Variants in OTOA observed in about 807,000 individuals in gnomAD.
OTOA encodes the protein cancer/testis antigen 108.
A neutral mutation model predicts 110.8 loss-of-function variants in OTOA; 70 were observed. The ratio of observed to expected loss-of-function variants is 0.63; its 90% confidence interval spans 0.52 to 0.77. The LOEUF is 0.77. OTOA is among the 30% of genes least tolerant of loss of function. The pLI is 0.00. For missense variants in OTOA, 917 were observed against 1,075.8 expected, an observed-to-expected ratio of 0.85 and a Z score of 2.06; for synonymous variants, 373 against 431.5, an observed-to-expected ratio of 0.86 and a Z score of 1.68.
intron 21 of OTOA, among the ~76,000 whole-genome samples, chr16:21,731,815 G>A (rs901568469): frequency 3.3e-5 from 5 of 152,138 alleles, no homozygotes; most frequent in Non-Finnish European, 5.9e-5. Flanking sequence ...AGGTGCACAT[G>A]GTCACACATG....
chr16:21,704,511 G>T (rs1597824094), intron 11 of OTOA, among the ~76,000 whole-genome samples: 1 of 152,136 alleles, frequency 6.6e-6, no homozygotes, highest in East Asian at 1.9e-4. Context: ...GCCTTGTAGG[G>T]TTGCTGTAAT....
At position 21,749,466 on chromosome 16, in the gene OTOA, T is replaced by C. The variant is rs1324529548; in HGVS notation, c.2776-2469T>C. On this transcript the variant is annotated intron_variant, in intron 24 of 28. Transcript: ENST00000646100. Reference sequence around the variant, plus strand: ...TTACTTGAACCCTGGGGGATGGAGGTTGCAGTAAGCCAAGATCATGTCACT... The same window carrying C: ...TTACTTGAACCCTGGGGGATGGAGGCTGCAGTAAGCCAAGATCATGTCACT... 2.7e-5 allele frequency among the ~76,000 whole-genome samples: 4 copies of C among 146,054 alleles called. No individual in the cohort carries two copies. The East Asian group carries it at 6.8e-4, about 25-fold the overall frequency.
intron 17 of OTOA, 109 bp from the exon 18 acceptor site, chr16:21,722,796 C>A: frequency 6.3e-6 from 6 of 957,266 alleles, no homozygotes; most frequent in Middle Eastern, 2.1e-4. Context: ...TGCTCTATTG[C>A]ATAAATGAAC....
chr16:21,713,652 A>G (rs908135369), intron 13 of OTOA, among the ~76,000 whole-genome samples: 3 of 152,174 alleles, frequency 2.0e-5, no homozygotes, highest in African/African-American at 7.2e-5. Context: ...AAAGTTACGC[A>G]GCTGGGATTG....
At chr16:21,704,629 C>T (rs1196076311) in intron 11 of OTOA, among the ~76,000 whole-genome samples, 1 of 152,090 alleles carries the variant, frequency 6.6e-6, no homozygotes, top group Non-Finnish European at 1.5e-5. Context: ...TCGTGTCCAC[C>T]AGCTCTCAGC....
chr16:21,714,479 C>CTTT (rs3054156), intron 13 of OTOA, among the ~76,000 whole-genome samples: 39 of 115,838 alleles, frequency 3.4e-4, no homozygotes, highest in Non-Finnish European at 4.4e-4. Context: ...TTCTTTCTTT[C>CTTT]CTCTCCCTCT....
chr16:21,666,877 A>T (rs959401855), intron 1 of OTOA, among the ~76,000 whole-genome samples: 9 of 152,154 alleles, frequency 5.9e-5, no homozygotes, highest in East Asian at 1.9e-4. Flanking sequence ...TGGAAAAAGG[A>T]CATTATGCAC....
intron 1 of OTOA, among the ~76,000 whole-genome samples, chr16:21,675,236 G>A (rs1966855433): frequency 7.3e-6 from 1 of 137,268 alleles, no homozygotes; most frequent in Admixed American, 7.8e-5. Context: ...TACAACTTCC[G>A]CCTCCCAGGT....
chr16:21,726,434 G>A, intron 18 of OTOA, 89 bp from the exon 19 acceptor site: 4 of 1,545,350 alleles, frequency 2.6e-6, no homozygotes, highest in Non-Finnish European at 3.6e-6. Flanking sequence ...ATGTCTTTGG[G>A]ATGAGCTCTT....
chr16:21,707,239 G>A (rs1898194161), intron 12 of OTOA, among the ~76,000 whole-genome samples: 1 of 151,836 alleles, frequency 6.6e-6, no homozygotes, highest in South Asian at 2.1e-4. Context: ...GAAGATAAAT[G>A]TATTTTAAGG....
chr16:21,681,597 A>G (rs1443930804), intron 5 of OTOA, 141 bp from the exon 6 acceptor site: 4 of 696,620 alleles, frequency 5.7e-6, no homozygotes, highest in Non-Finnish European at 7.6e-6. Context: ...AAGAAAAGAA[A>G]AGAGAAACCT....
chr16:21,675,948 G>C (rs771845340), intron 1 of OTOA, among the ~76,000 whole-genome samples: 2 of 151,954 alleles, frequency 1.3e-5, no homozygotes, highest in Non-Finnish European at 2.9e-5. Context: ...ATTTCTTTGA[G>C]ACAGGTTCTC....
At chr16:21,682,064 A>C (rs1294069980) in intron 6 of OTOA, among the ~76,000 whole-genome samples, 2 of 152,236 alleles carry the variant, frequency 1.3e-5, no homozygotes, top group Non-Finnish European at 2.9e-5. Context: ...TATAACAAAA[A>C]GACCCCCAGA....
At chr16:21,696,282 T>G (rs905516604) in intron 9 of OTOA, among the ~76,000 whole-genome samples, 3 of 151,896 alleles carry the variant, frequency 2.0e-5, no homozygotes. Context: ...CCTCTGGGAA[T>G]TCAGTGGAGG....
At chr16:21,695,887 A>ATT (rs1205590889) in intron 9 of OTOA, among the ~76,000 whole-genome samples, 10,298 of 60,128 alleles carry the variant, frequency 0.17, 1,110 homozygotes, top group Non-Finnish European at 0.22. Flanking sequence ...ATATATATAT[A>ATT]TATATTTTTT....
intron 10 of OTOA, among the ~76,000 whole-genome samples, 159 bp from the exon 11 acceptor site, chr16:21,700,724 CAAAAA>C (rs3054189): frequency 2.6e-5 from 3 of 115,740 alleles, no homozygotes; most frequent in South Asian, 3.0e-4. Context: ...GACTCCATCT[CAAAAA>C]AAAAAAAAAA....
chr16:21,730,989 G>T (rs1264441070), intron 21 of OTOA, 59 bp downstream of exon 21: 1 of 1,002,654 alleles, frequency 1.0e-6, no homozygotes, highest in Non-Finnish European at 1.6e-6. Flanking sequence ...AGAAAGTGTG[G>T]TCAGTTATAC....
intron 11 of OTOA, among the ~76,000 whole-genome samples, chr16:21,704,322 A>C (rs1898111153): frequency 6.6e-6 from 1 of 152,112 alleles, no homozygotes; most frequent in South Asian, 2.1e-4. Context: ...TGTAATGTGG[A>C]AAATGGGGAG....
Position 21,678,920 on chromosome 16 carries a change from C to T in OTOA, c.97C>T (p.His33Tyr). 4 of 1,613,400 alleles carry T rather than the reference C, an allele frequency of 2.5e-6. No individual in the cohort carries two copies. The highest frequency in any genetic ancestry group is 3.4e-6 in the Non-Finnish European group (4 of 1,179,906). Residue 33 changes from histidine (H) to tyrosine (Y), a missense_variant, in exon 3 of 29, where the codon CAT becomes TAT. Physicochemically the swap from His to Tyr is moderately conservative, Grantham distance 83. Transcript: ENST00000646100. ...ATTCAATGGCTTTCTTACAGATTTGCATCCATTGTTGCAAAACATGGCGGT... is the reference window on the plus strand; with the variant it reads ...ATTCAATGGCTTTCTTACAGATTTGTATCCATTGTTGCAAAACATGGCGGT... The part of the protein sequence containing the change: ...YTVPNSRQDL[H>Y]PLLQNMAEEI...
Sources: gnomAD v4.1 joint callset for allele counts (sites outside exome capture counted in the v4.1 genomes callset) on GRCh38, gnomAD v4.1.1 for gene constraint, MANE v1.5 for transcripts, NCBI Gene and HGNC (gene_info 2026-07-23, HGNC 2026-07-21) for gene names.